The following CISD2 variants were observed in gnomAD, a reference collection of about 807,000 sequenced individuals.
CISD2 encodes the protein CDGSH iron-sulfur domain-containing protein 2.
CISD2 carries 1 observed loss-of-function variant against 12.9 expected under a neutral mutation model. That is an observed-to-expected ratio of 0.08 (90% CI 0.03 to 0.37). The LOEUF (loss-of-function observed/expected upper bound fraction) is 0.37. CISD2 is among the 10% of genes least tolerant of loss of function. The pLI, the probability that CISD2 is intolerant of heterozygous loss-of-function variation, is 0.99. For missense variants in CISD2, 97 were observed against 163.1 expected (o/e 0.59, Z 2.21); for synonymous variants, 50 against 60.6 (o/e 0.83, Z 0.81).
At chr4:102,878,386 C>G (rs1262331891) in intron 1 of CISD2, among the ~76,000 whole-genome samples, 4 of 152,196 alleles carry the variant, frequency 2.6e-5, no homozygotes, top group Admixed American at 2.6e-4. Context: ...GCCTCAGCCT[C>G]CCAAAGTGCT....
intron 1 of CISD2, 75 bp downstream of exon 1, chr4:102,869,262 G>A: frequency 1.3e-6 from 2 of 1,534,190 alleles, no homozygotes; most frequent in East Asian, 4.9e-5. Flanking sequence ...AAAATCCTAG[G>A]GCCAAGGGGC....
intron 1 of CISD2, among the ~76,000 whole-genome samples, chr4:102,879,442 T>C (rs2110395932): frequency 6.6e-6 from 1 of 152,160 alleles, no homozygotes; most frequent in South Asian, 2.1e-4. Context: ...TAGGTGGTGT[T>C]TATAGGTCCA....
chr4:102,880,977 C>T (rs986024952), intron 1 of CISD2, among the ~76,000 whole-genome samples: 23 of 146,726 alleles, frequency 1.6e-4, no homozygotes, highest in Admixed American at 6.2e-4. Context: ...GGAAACAGAG[C>T]GAGACGCTGT....
chr4:102,870,423 T>C (rs1320341094), intron 1 of CISD2, among the ~76,000 whole-genome samples: 1 of 152,112 alleles, frequency 6.6e-6, no homozygotes, highest in Non-Finnish European at 1.5e-5. Context: ...GGTCGATAGA[T>C]TTAGAAGGGA....
chr4:102,890,758 T>C lies in CISD2; in HGVS notation c.*3328T>C, dbSNP rs1356292447. On this transcript the variant is annotated 3_prime_UTR_variant, in exon 3 of 3. Coordinates refer to ENST00000273986, the MANE Select transcript of CISD2 (RefSeq NM_001008388.5). The stretch of plus-strand genomic sequence containing the variant: ...GGGAGGCTGAGGCACAAGAATCTCT[T>C]GAGTTGAGGAGGCCAAGGTTGCAGT... 1 of 145,060 alleles carries C rather than the reference T, an allele frequency of 6.9e-6. No individual in the cohort carries two copies. The highest frequency in any genetic ancestry group is 1.5e-5 in the Non-Finnish European group (1 of 67,138). 9.0% of individuals were successfully genotyped at this position (145,060 alleles called of 1,614,324 possible).
rs1045360590 is a variant in CISD2, at chr4:102,891,208, A to ATG, written c.*3779_*3780dup. On this transcript the variant is annotated 3_prime_UTR_variant, in exon 3 of 3. Coordinates refer to ENST00000273986, the MANE Select transcript of CISD2 (RefSeq NM_001008388.5). The stretch of plus-strand genomic sequence containing the variant: ...AAGTCTTCTTTTTAAAAAATTTTTA[A>ATG]TGGTAGAGGCAGCAGCTACCCAGAG... 1 of 151,918 alleles carries ATG rather than the reference A, an allele frequency of 6.6e-6. No individual in the cohort carries two copies. Among genetic ancestry groups the ATG allele is most frequent in the Non-Finnish European group, 1.5e-5 (1 of 68,036 alleles). The allele number at this position is 151,918 out of a possible 1,614,324, so 9.4% of individuals were successfully genotyped here. A position where few individuals can be genotyped will look rare whatever the true frequency, so the allele number is the denominator to read the frequency against.
At chr4:102,881,949 C>T (rs223316) in intron 1 of CISD2, among the ~76,000 whole-genome samples, 88,131 of 152,036 alleles carry the variant, frequency 0.58, 26,975 homozygotes, top group African/African-American at 0.79. Context: ...CCCAGGACTT[C>T]GTGGGGCTGA....
rs1204747014 is a variant in CISD2 at position 102,890,922 on chromosome 4, G to A, written c.*3492G>A. 1.3e-5 allele frequency: 2 copies of A among 148,538 alleles called. No homozygotes were observed. The highest frequency in any genetic ancestry group is 5.1e-5 in the African/African-American group (2 of 39,048). 9.2% of individuals were successfully genotyped at this position (148,538 alleles called of 1,614,324 possible). A position where few individuals can be genotyped will look rare whatever the true frequency, so the allele number is the denominator to read the frequency against. On this transcript the variant is annotated 3_prime_UTR_variant, in exon 3 of 3. Transcript: ENST00000273986. ...TCAGTACGAAGTTCGTAGGACAGGA[G>A]GAAACCAATATAAATATCTCAGCAT...
chr4:102,870,819 T>G (rs2110391022), intron 1 of CISD2, among the ~76,000 whole-genome samples: 1 of 152,348 alleles, frequency 6.6e-6, no homozygotes, highest in East Asian at 1.9e-4. Flanking sequence ...AATACTTATT[T>G]TAGTTTTAAC....
At chr4:102,880,920 G>A (rs975976741) in intron 1 of CISD2, among the ~76,000 whole-genome samples, 5 of 151,588 alleles carry the variant, frequency 3.3e-5, no homozygotes, top group Admixed American at 1.3e-4. Context: ...GCTTGAACCC[G>A]GGCAGTGGAG....
intron 1 of CISD2, among the ~76,000 whole-genome samples, chr4:102,878,649 G>A (rs985734741): frequency 2.0e-5 from 3 of 152,160 alleles, no homozygotes; most frequent in South Asian, 2.1e-4. Context: ...CTGAGACCAC[G>A]TCAGCCTGGA....
At chr4:102,886,311 A>G (rs1410325735) in intron 2 of CISD2, among the ~76,000 whole-genome samples, 1 of 151,990 alleles carries the variant, frequency 6.6e-6, no homozygotes, top group African/African-American at 2.4e-5. Context: ...ACATGGTGAA[A>G]CCCCGTCTCT....
At chr4:102,875,271 T>C (rs1733566751) in intron 1 of CISD2, among the ~76,000 whole-genome samples, 1 of 152,246 alleles carries the variant, frequency 6.6e-6, no homozygotes, top group Admixed American at 6.5e-5. Context: ...TATCAAAACC[T>C]GTACAGTTTT....
At position 102,892,186 on chromosome 4, in the gene CISD2, G is replaced by A. The variant is rs1393133912; in HGVS notation, c.*4756G>A. On this transcript the variant is annotated 3_prime_UTR_variant, in exon 3 of 3. Transcript: ENST00000273986. ...CGATCCTCCCACCTCAGCCTCCCAA[G>A]TAGCTGAGACTACAGTCATGCTTCA... 6.6e-5 allele frequency: 10 copies of A among 152,274 alleles called. No homozygotes were observed. Among genetic ancestry groups the A allele is most frequent in the Admixed American group, 1.3e-4 (2 of 15,276 alleles). 9.4% of individuals were successfully genotyped at this position (152,274 alleles called of 1,614,324 possible). A position where few individuals can be genotyped will look rare whatever the true frequency, so the allele number is the denominator to read the frequency against.
intron 1 of CISD2, among the ~76,000 whole-genome samples, chr4:102,873,342 A>C (rs1733509215): frequency 6.6e-6 from 1 of 151,834 alleles, no homozygotes; most frequent in Non-Finnish European, 1.5e-5. Flanking sequence ...ATCTCTACCC[A>C]CTCATTGCAG....
chr4:102,888,424 C>G lies in CISD2; in HGVS notation c.*994C>G, dbSNP rs1734051627. ...CCCTCCGTACACATGAGTTTCACAT[C>G]CCATGCACAAATGCTGATCTGTGTG... On this transcript the variant is annotated 3_prime_UTR_variant, in exon 3 of 3. Coordinates refer to ENST00000273986, the MANE Select transcript of CISD2 (RefSeq NM_001008388.5). The G allele has an allele frequency of 6.6e-6, 1 of 152,106 alleles. No individual in the cohort carries two copies. Among genetic ancestry groups the G allele is most frequent in the Non-Finnish European group, 1.5e-5 (1 of 68,030 alleles). 9.4% of individuals were successfully genotyped at this position (152,106 alleles called of 1,614,324 possible).
In CISD2 at chr4:102,889,980, T is replaced by TA. The variant is rs1734155926; in HGVS notation, c.*2551dup. 3.9e-5 allele frequency: 4 copies of TA among 103,248 alleles called. No homozygotes were observed. The highest frequency in any genetic ancestry group is 5.7e-4 in the South Asian group (2 of 3,528). 6.4% of individuals were successfully genotyped at this position (103,248 alleles called of 1,614,324 possible). A position where few individuals can be genotyped will look rare whatever the true frequency, so the allele number is the denominator to read the frequency against. The stretch of plus-strand genomic sequence containing the variant: ...AGCCTTCAAAATACAGCCCTGTTGT[T>TA]ACTGCGTCACATGATTGTTTTGAGG... On this transcript the variant is annotated 3_prime_UTR_variant, in exon 3 of 3. Coordinates refer to ENST00000273986, the MANE Select transcript of CISD2 (RefSeq NM_001008388.5).
rs145312923 is a variant in CISD2, at chr4:102,869,096, G to A, written c.12G>A (p.Glu4=). MVL[E]SVARIVKVQL... is the part of the protein sequence containing the mutation. Reference sequence around the variant, plus strand: ...CGCCGCTGGCCAGGATGGTGCTGGAGAGCGTGGCCCGTATCGTGAAGGTGC... The same window carrying A: ...CGCCGCTGGCCAGGATGGTGCTGGAAAGCGTGGCCCGTATCGTGAAGGTGC... Residue 4 remains glutamate, a synonymous_variant, in exon 1 of 3, where the codon GAG becomes GAA. Transcript: ENST00000273986. 1.7e-4 allele frequency: 278 copies of A among 1,611,418 alleles called. 1 individual carries two copies. In the African/African-American group the frequency reaches 3.4e-3, roughly 19 times the overall value.
chr4:102,875,233 C>G (rs1262742575), intron 1 of CISD2, among the ~76,000 whole-genome samples: 1 of 152,262 alleles, frequency 6.6e-6, no homozygotes, highest in Admixed American at 6.5e-5. Context: ...AACTTCTGTA[C>G]TCTTCATCTT....
Sources: gnomAD v4.1 joint callset for allele counts (sites outside exome capture counted in the v4.1 genomes callset) on GRCh38, gnomAD v4.1.1 for gene constraint, MANE v1.5 for transcripts, NCBI Gene and HGNC (gene_info 2026-07-23, HGNC 2026-07-21) for gene names.